Variants in MRAP2 observed in about 807,000 individuals in gnomAD.
The protein encoded by MRAP2 is melanocortin 2 receptor accessory protein 2.
Under a neutral mutation model 17.4 loss-of-function variants are expected in MRAP2, and 20 were observed. The observed-to-expected ratio is 1.15, with a 90% CI of 0.81 to 1.67. The LOEUF (loss-of-function observed/expected upper bound fraction) is 1.67. MRAP2 is among the 40% of genes most tolerant of loss of function. MRAP2 has a pLI of 0.00. For missense variants in MRAP2, 238 were observed against 240.0 expected (o/e 0.99, Z 0.05); for synonymous variants, 96 against 88.4 (o/e 1.09, Z -0.48).
chr6:84,054,657 A>T (rs1377621511), intron 1 of MRAP2, among the ~76,000 whole-genome samples: 1 of 152,216 alleles, frequency 6.6e-6, no homozygotes, highest in Non-Finnish European at 1.5e-5. Context: ...TTGAATGGAT[A>T]CCTACTGAGC....
chr6:84,110,967 T>C, the MRAP2 span, among the ~76,000 whole-genome samples: 1 of 152,190 alleles, frequency 6.6e-6, no homozygotes, highest in Non-Finnish European at 1.5e-5. Flanking sequence ...TATATATCTG[T>C]TTTGGTACCA....
Position 84,089,292 on chromosome 6 carries a change from A to G in MRAP2, c.429A>G (p.Gln143=). Residue 143 remains glutamine, a synonymous_variant, in exon 4 of 4, where the codon CAA becomes CAG. Coordinates refer to ENST00000257776, the MANE Select transcript of MRAP2 (RefSeq NM_138409.4). ...CCACAGCCCTTGACAGTGACGTCCA[A>G]CTCCAGGAAGCCATCAGAAGCAGTG... is the stretch of plus-strand genomic sequence containing the variant. ...HQTTALDSDV[Q]LQEAIRSSGQ... 2.5e-6 allele frequency: 4 copies of G among 1,614,134 alleles called. No individual in the cohort carries two copies. Among genetic ancestry groups the G allele is most frequent in the Non-Finnish European group, 3.4e-6 (4 of 1,180,014 alleles).
At chr6:84,122,302 A>G in the MRAP2 span, among the ~76,000 whole-genome samples, 4 of 144,540 alleles carry the variant, frequency 2.8e-5, no homozygotes, top group Non-Finnish European at 6.0e-5. Context: ...ATGAACATAG[A>G]TGTGAAAATC....
Position 84,034,259 on chromosome 6 carries a change from C to T in MRAP2, c.-8+376C>T, listed in dbSNP as rs921528787. Among the ~76,000 whole-genome samples the T allele has an allele frequency of 5.3e-5, 8 of 152,234 alleles. No individual in the cohort carries two copies. In the South Asian group the frequency reaches 1.7e-3, roughly 32 times the overall value. ...TGAGAAAACTTTCCTTGCTGCGGCC[C>T]TCCTGCCGCCTTGGTGCCCTGCAAC... On this transcript the variant is annotated intron_variant, in intron 1 of 3. Coordinates refer to ENST00000257776, the MANE Select transcript of MRAP2 (RefSeq NM_138409.4).
chr6:84,042,348 C>A (rs1482378971), intron 1 of MRAP2, among the ~76,000 whole-genome samples: 1 of 152,184 alleles, frequency 6.6e-6, no homozygotes, highest in Admixed American at 6.5e-5. Context: ...GGACTAAAAA[C>A]TTCCACTGAA....
At chr6:84,050,919 C>T (rs190402898) in intron 1 of MRAP2, among the ~76,000 whole-genome samples, 42 of 152,276 alleles carry the variant, frequency 2.8e-4, no homozygotes, top group Admixed American at 1.7e-3. Context: ...CACTGGCTGG[C>T]AGTTTCTTGG....
At chr6:84,086,525 TG>T (rs1376315344) in intron 3 of MRAP2, among the ~76,000 whole-genome samples, 2 of 152,256 alleles carry the variant, frequency 1.3e-5, no homozygotes, top group Non-Finnish European at 2.9e-5. Context: ...CAGGTCCTTT[TG>T]TTTATCAGTC....
the MRAP2 span, among the ~76,000 whole-genome samples, chr6:84,111,965 T>C: frequency 6.6e-6 from 1 of 152,218 alleles, no homozygotes; most frequent in African/African-American, 2.4e-5. Flanking sequence ...AACTTGATCA[T>C]TGTGGATAAG....
chr6:84,089,054 G>T, intron 3 of MRAP2, 37 bp from the exon 4 acceptor site: 1 of 1,562,222 alleles, frequency 6.4e-7, no homozygotes, highest in South Asian at 1.2e-5. Flanking sequence ...GAATGGGCTG[G>T]AGTGTAAGCA....
At chr6:84,134,906 A>T in the MRAP2 span, among the ~76,000 whole-genome samples, 1 of 133,496 alleles carries the variant, frequency 7.5e-6, no homozygotes, top group Non-Finnish European at 1.6e-5. Context: ...TACTGTCATG[A>T]AAAGATCATA....
chr6:84,116,404 G>A, the MRAP2 span, among the ~76,000 whole-genome samples: 6 of 152,170 alleles, frequency 3.9e-5, no homozygotes, highest in Non-Finnish European at 8.8e-5. Context: ...TGTCTTGCCT[G>A]CTGCCATGTA....
At chr6:84,087,520 T>G (rs1032180835) in intron 3 of MRAP2, among the ~76,000 whole-genome samples, 1 of 152,316 alleles carries the variant, frequency 6.6e-6, no homozygotes, top group South Asian at 2.1e-4. Context: ...GACATTTTAG[T>G]TTATCAGGTC....
At chr6:84,068,690 T>C (rs1243094453) in intron 3 of MRAP2, among the ~76,000 whole-genome samples, 1 of 151,988 alleles carries the variant, frequency 6.6e-6, no homozygotes, top group East Asian at 1.9e-4. Flanking sequence ...GGGGATTAAG[T>C]TCTTGATTTG....
the MRAP2 span, among the ~76,000 whole-genome samples, chr6:84,112,115 C>T: frequency 6.6e-6 from 1 of 152,280 alleles, no homozygotes; most frequent in Non-Finnish European, 1.5e-5. Context: ...ATGCTGGCCT[C>T]CTCAAATGAG....
At chr6:84,066,988 G>A (rs543448083) in intron 3 of MRAP2, among the ~76,000 whole-genome samples, 4 of 152,180 alleles carry the variant, frequency 2.6e-5, no homozygotes, top group South Asian at 2.1e-4. Flanking sequence ...CCCATCACCC[G>A]AGCAGTATAT....
the MRAP2 span, among the ~76,000 whole-genome samples, chr6:84,100,621 A>G: frequency 2.0e-5 from 3 of 152,074 alleles, no homozygotes; most frequent in Admixed American, 6.5e-5. Context: ...AATTCCACTC[A>G]TTTCTTAAGA....
In MRAP2 at chr6:84,033,851, G is replaced by A. The variant is rs544516389; in HGVS notation, c.-40G>A. The A allele has an allele frequency of 2.0e-6, 2 of 987,082 alleles. No homozygotes were observed. Among genetic ancestry groups the A allele is most frequent in the East Asian group, 1.1e-4 (1 of 8,830 alleles). 61.1% of individuals were successfully genotyped at this position (987,082 alleles called of 1,614,324 possible). ...TCGGAGGAGCCAGGAGCCGGAACCA[G>A]GGCCGAGCCCGCGGGCCGGGGCTAG... On this transcript the variant is annotated 5_prime_UTR_variant, in exon 1 of 4. Coordinates refer to ENST00000257776, the MANE Select transcript of MRAP2 (RefSeq NM_138409.4).
rs78271721 is a variant in MRAP2 at position 84,065,774 on chromosome 6, A to G, written c.227+2782A>G. Reference sequence around the variant, plus strand: ...TATTTCTTAGTTGAGCGTACCATTTATCAGTACTCTTTGGATTAAGCAGAT... The same window carrying G: ...TATTTCTTAGTTGAGCGTACCATTTGTCAGTACTCTTTGGATTAAGCAGAT... On this transcript the variant is annotated intron_variant, in intron 3 of 3. Transcript: ENST00000257776. 7.5e-3 allele frequency among the ~76,000 whole-genome samples: 1,146 copies of G among 152,308 alleles called. 4 individuals are homozygous for G. The highest frequency in any genetic ancestry group is 0.011 in the Non-Finnish European group (764 of 68,012).
At chr6:84,125,068 T>C in the MRAP2 span, 14 of 1,608,318 alleles carry the variant, frequency 8.7e-6, no homozygotes, top group Non-Finnish European at 6.0e-6. Flanking sequence ...TCTGAATTTC[T>C]ATTAATACTC....
Sources: gnomAD v4.1 joint callset for allele counts (sites outside exome capture counted in the v4.1 genomes callset) on GRCh38, gnomAD v4.1.1 for gene constraint, MANE v1.5 for transcripts, NCBI Gene and HGNC (gene_info 2026-07-23, HGNC 2026-07-21) for gene names.